Variants in SLA observed in about 807,000 individuals in gnomAD.
The protein encoded by SLA is Src like adaptor.
In SLA, 16 loss-of-function variants were observed where a neutral mutation model predicts 30.3. The ratio of observed to expected loss-of-function variants is 0.53; its 90% CI spans 0.36 to 0.80. The LOEUF is 0.80. Among genes scored for constraint, SLA ranks in the 30% least tolerant of loss-of-function variants. SLA has a pLI of 0.01. For synonymous variants in SLA, 143 were observed against 137.8 expected (o/e 1.04, Z -0.26); for missense variants, 310 against 345.2 (o/e 0.90, Z 0.81).
At chr8:133,056,912 C>A (rs376726895) in intron 3 of SLA, among the ~76,000 whole-genome samples, 2 of 152,108 alleles carry the variant, frequency 1.3e-5, no homozygotes, top group African/African-American at 4.8e-5. Context: ...ATTCAGCTGG[C>A]GGCTACCTTC....
Position 133,061,323 on chromosome 8 carries a change from T to C in SLA, c.-40-1123A>G, listed in dbSNP as rs540297175. Among the ~76,000 whole-genome samples the C allele has an allele frequency of 4.6e-4, 70 of 152,334 alleles. 1 individual carries two copies. In the South Asian group the frequency reaches 0.012, roughly 26 times the overall value. ...CATGCCTGGCCAAGTCATTAACCTT[T>C]TTCTGACTGTTTTGGGGAACACTAA... On this transcript the variant is annotated intron_variant, in intron 2 of 8. Coordinates refer to ENST00000338087, the MANE Select transcript of SLA (RefSeq NM_001045556.3).
chr8:133,067,766 A>G (rs2131388994), intron 2 of SLA, among the ~76,000 whole-genome samples: 1 of 151,862 alleles, frequency 6.6e-6, no homozygotes, highest in East Asian at 1.9e-4. Context: ...TGACAGAGCA[A>G]GACTCCATCT....
At chr8:133,077,621 C>G (rs1029539258) in intron 1 of SLA, among the ~76,000 whole-genome samples, 1 of 152,182 alleles carries the variant, frequency 6.6e-6, no homozygotes, top group Non-Finnish European at 1.5e-5. Flanking sequence ...GGCTGAAGCC[C>G]GATGCCACGC....
chr8:133,060,122 C>A lies in SLA; in HGVS notation c.39G>T (p.Glu13Asp). ...NSMKSTPAPA[E>D]RPLPNPEGLD... ...TACCCTCCGGGTTGGGCAGGGGCCT[C>A]TCGGCAGGCGCAGGGGTGGATTTCA... Residue 13 changes from glutamate (E) to aspartate (D), a missense_variant, in exon 3 of 9, where the codon GAG becomes GAT. Physicochemically the swap from Glu to Asp is conservative, Grantham distance 45. Coordinates refer to ENST00000338087, the MANE Select transcript of SLA (RefSeq NM_001045556.3). 1.2e-6 allele frequency: 2 copies of A among 1,607,438 alleles called. No individual in the cohort carries two copies. The highest frequency in any genetic ancestry group is 2.7e-5 in the African/African-American group (2 of 74,442).
At chr8:133,070,620 T>G (rs964940384) in intron 2 of SLA, among the ~76,000 whole-genome samples, 1 of 152,188 alleles carries the variant, frequency 6.6e-6, no homozygotes, top group African/African-American at 2.4e-5. Context: ...ACAAGGCTTG[T>G]TCAGGGCTGG....
At chr8:133,089,189 C>T (rs1171682175) in intron 1 of SLA, among the ~76,000 whole-genome samples, 1 of 152,202 alleles carries the variant, frequency 6.6e-6, no homozygotes, top group Non-Finnish European at 1.5e-5. Flanking sequence ...CCACTCCAGT[C>T]CATCCCACAG....
chr8:133,055,365 G>GCACACA (rs869172140), intron 3 of SLA, among the ~76,000 whole-genome samples: 13 of 62,272 alleles, frequency 2.1e-4, no homozygotes, highest in East Asian at 7.1e-4. Context: ...ACGCACGCGC[G>GCACACA]CACACACACA....
chr8:133,096,336 A>G, intron 1 of SLA: 1 of 1,614,228 alleles, frequency 6.2e-7, no homozygotes, highest in African/African-American at 1.3e-5. Flanking sequence ...GGGAGTTCTC[A>G]GGACGACGGG....
rs980888558 is a variant in SLA, at chr8:133,096,330, G to C, written c.-319+6223C>G. 2 of 1,614,084 alleles carry C rather than the reference G, an allele frequency of 1.2e-6. No homozygotes were observed. Among genetic ancestry groups the C allele is most frequent in the Non-Finnish European group, 8.5e-7 (1 of 1,180,046 alleles). The stretch of plus-strand genomic sequence containing the variant: ...GTAGAGGTCGATCTGCTCATTGGGA[G>C]TTCTCAGGACGACGGGCTCATCAAC... On this transcript the variant is annotated intron_variant, in intron 1 of 8. Coordinates refer to ENST00000338087, the MANE Select transcript of SLA (RefSeq NM_001045556.3).
chr8:133,080,150 A>T (rs1043178327), intron 1 of SLA, among the ~76,000 whole-genome samples: 3 of 152,176 alleles, frequency 2.0e-5, no homozygotes, highest in Non-Finnish European at 4.4e-5. Flanking sequence ...CTGGCATGAA[A>T]ATCAAGAGGA....
intron 6 of SLA, 85 bp from the exon 7 acceptor site, chr8:133,045,200 A>G: frequency 6.9e-7 from 1 of 1,457,662 alleles, no homozygotes; most frequent in Non-Finnish European, 9.5e-7. Flanking sequence ...CCACTGAGGC[A>G]GGGAGACCTG....
intron 3 of SLA, among the ~76,000 whole-genome samples, chr8:133,056,254 A>G (rs898478546): frequency 6.6e-6 from 1 of 152,242 alleles, no homozygotes; most frequent in African/African-American, 2.4e-5. Context: ...TATGATGTTC[A>G]TCAATGTACA....
At position 133,039,999 on chromosome 8, in the gene SLA, T is replaced by G. The variant is rs1192693353; in HGVS notation, c.616A>C (p.Arg206=). 1 of 1,550,356 alleles carries G rather than the reference T, an allele frequency of 6.5e-7. No individual in the cohort carries two copies. The highest frequency in any genetic ancestry group is 1.2e-5 in the South Asian group (1 of 84,026). Residue 206 remains arginine, a splice_region_variant and synonymous_variant, in exon 8 of 9, where the codon AGA becomes CGA. Transcript: ENST00000338087. ...CACACATACACACACCATACTCACC[T>G]GGACACTCTCCTCCAGTCCACAGTC... ...QKTVDWRRVS[R]LQEDPEGTEN... is the part of the protein sequence containing the mutation.
chr8:133,067,634 G>A (rs139292268), intron 2 of SLA, among the ~76,000 whole-genome samples: 2 of 152,178 alleles, frequency 1.3e-5, no homozygotes, highest in South Asian at 4.1e-4. Context: ...AAATTAGCTG[G>A]GTGTGGTGGC....
At chr8:133,090,201 A>T (rs1012738699) in intron 1 of SLA, 4 of 152,246 alleles carry the variant, frequency 2.6e-5, no homozygotes, top group African/African-American at 9.6e-5. Context: ...CCAGCATTCA[A>T]TAAGCCAGCT....
chr8:133,081,073 A>T (rs918676162), intron 1 of SLA, among the ~76,000 whole-genome samples: 50 of 152,264 alleles, frequency 3.3e-4, no homozygotes, highest in African/African-American at 1.2e-3. Flanking sequence ...CAGTGATGTT[A>T]CTAATACTAC....
chr8:133,074,349 C>G (rs1844544683), intron 2 of SLA, among the ~76,000 whole-genome samples: 2 of 152,292 alleles, frequency 1.3e-5, no homozygotes, highest in Middle Eastern at 6.8e-3. Flanking sequence ...GACATCATGA[C>G]TCCAGCCTGA....
chr8:133,078,009 G>T (rs1011745038), intron 1 of SLA, among the ~76,000 whole-genome samples: 1 of 152,178 alleles, frequency 6.6e-6, no homozygotes, highest in Non-Finnish European at 1.5e-5. Context: ...TTCTTTCTTG[G>T]GTTGTAAAGT....
chr8:133,092,305 C>T (rs17630941), intron 1 of SLA, among the ~76,000 whole-genome samples: 38,840 of 151,876 alleles, frequency 0.26, 5,169 homozygotes, highest in South Asian at 0.3. Flanking sequence ...TTCGGAGGCC[C>T]GAGGAACAAA....
Sources: gnomAD v4.1 joint callset for allele counts (sites outside exome capture counted in the v4.1 genomes callset) on GRCh38, gnomAD v4.1.1 for gene constraint, MANE v1.5 for transcripts, NCBI Gene and HGNC (gene_info 2026-07-23, HGNC 2026-07-21) for gene names.